The following DST variants were observed in gnomAD, a reference collection of about 807,000 sequenced individuals.
DST encodes the protein bullous pemphigoid antigen.
Under a neutral mutation model 875.2 loss-of-function variants are expected in DST, and 253 were observed. That is an observed-to-expected ratio of 0.29 (90% confidence interval 0.26 to 0.32). The LOEUF is 0.32. DST is among the 10% of genes least tolerant of loss of function. DST has a pLI of 1.00. For synonymous variants in DST, 3,124 were observed against 3,197.1 expected (o/e 0.98, Z 0.77); for missense variants, 8,287 against 9,111.6 (o/e 0.91, Z 3.68).
intron 13 of DST, among the ~76,000 whole-genome samples, 187 bp from the exon 14 acceptor site, chr6:56,646,369 A>G (rs533111212): frequency 1.3e-5 from 2 of 152,304 alleles, no homozygotes; most frequent in East Asian, 3.9e-4. Context: ...CTAAAATTTG[A>G]TGAGGGTGTA....
chr6:56,673,402 G>A (rs1436094034), intron 9 of DST, among the ~76,000 whole-genome samples: 1 of 152,162 alleles, frequency 6.6e-6, no homozygotes, highest in Non-Finnish European at 1.5e-5. Context: ...TATAATGACA[G>A]ATAGAAATGG....
At position 56,954,393 on chromosome 6, in the gene DST, G is replaced by C; in HGVS notation, c.181+14C>G. On this transcript the variant is annotated intron_variant, in intron 1 of 103. Coordinates refer to ENST00000680361, the MANE Select transcript of DST (RefSeq NM_001374736.1). ...TCCTGGTAGCCCGCAGAAACCCGTC[G>C]CGGCGTGTCTTACCTCGGCTTCTTG... The C allele has an allele frequency of 2.2e-6, 3 of 1,363,016 alleles. No homozygotes were observed. Among genetic ancestry groups the C allele is most frequent in the South Asian group, 2.3e-5 (2 of 87,142 alleles). 84.4% of individuals were successfully genotyped at this position (1,363,016 alleles called of 1,614,324 possible).
At chr6:56,531,464 CAG>C (rs1464053676) in intron 64 of DST, among the ~76,000 whole-genome samples, 3 of 152,144 alleles carry the variant, frequency 2.0e-5, no homozygotes, top group Non-Finnish European at 2.9e-5. Context: ...TGACACATAT[CAG>C]AGGACAACAT....
chr6:56,786,223 C>G (rs2099705229), intron 4 of DST, among the ~76,000 whole-genome samples: 1 of 152,186 alleles, frequency 6.6e-6, no homozygotes, highest in African/African-American at 2.4e-5. Context: ...TCCCCCATCT[C>G]CAAGTCTTGA....
chr6:56,473,001 T>C (rs2094971400), intron 93 of DST, among the ~76,000 whole-genome samples: 1 of 152,228 alleles, frequency 6.6e-6, no homozygotes, highest in Non-Finnish European at 1.5e-5. Context: ...AACAAATACT[T>C]GAGCATTTAA....
In DST at chr6:56,631,333, C is replaced by T. The variant is rs137982571; in HGVS notation, c.4020G>A (p.Lys1340=). The T allele has an allele frequency of 5.6e-6, 9 of 1,613,916 alleles. No individual in the cohort carries two copies. Among genetic ancestry groups the T allele is most frequent in the African/African-American group, 5.3e-5 (4 of 74,898 alleles). Residue 1340 remains lysine, a synonymous_variant, in exon 30 of 104, where the codon AAG becomes AAA. Transcript: ENST00000680361. ...LKDDLGTITN[K]CEEFFSQAAA... The stretch of plus-strand genomic sequence containing the variant: ...CTGCTTGACTGAAAAACTCCTCACA[C>T]TTATTTGTGATTGTTCCCAAATCAT...
intron 86 of DST, among the ~76,000 whole-genome samples, chr6:56,488,233 T>C (rs1001424439): frequency 4.6e-5 from 7 of 152,220 alleles, no homozygotes; most frequent in South Asian, 4.1e-4. Flanking sequence ...AAAAATGTTA[T>C]GGTTGAATAC....
At position 56,606,735 on chromosome 6, in the gene DST, A is replaced by T; in HGVS notation, c.7893T>A (p.Asp2631Glu). ...DDHDSLLLDG[D>E]DRDCLHPEDY... ...CCTCAGGGTGCAGGCAATCACGATC[A>T]TCACCATCAAGAAGCAAAGAATCAT... The change falls in exon 40 of 104, where the codon GAT (aspartate) becomes GAA (glutamate). Residue 2631 changes from aspartate (D) to glutamate (E), a missense_variant. Asp to Glu is a conservative substitution (Grantham distance 45). Coordinates refer to ENST00000680361, the MANE Select transcript of DST (RefSeq NM_001374736.1). 1 of 1,613,488 alleles carries T rather than the reference A, an allele frequency of 6.2e-7. No individual in the cohort carries two copies. The highest frequency in any genetic ancestry group is 8.5e-7 in the Non-Finnish European group (1 of 1,179,606).
At position 56,603,221 on chromosome 6, in the gene DST, G is replaced by A. The variant is rs375863662; in HGVS notation, c.11141C>T (p.Ala3714Val). Reference sequence around the variant, plus strand: ...TATGCCTACCATTTCAGAGTCGATCGCAAGCATGATCTGTTTCGTTCTTTC... The same window carrying A: ...TATGCCTACCATTTCAGAGTCGATCACAAGCATGATCTGTTTCGTTCTTTC... ...SSERTKQIMLAIDSEMSKLAV... is the reference protein window; with the variant it reads ...SSERTKQIMLVIDSEMSKLAV... The change falls in exon 42 of 104, where the codon GCG (alanine) becomes GTG (valine). Residue 3714 changes from alanine to valine, a missense_variant. Ala to Val is a moderately conservative substitution (Grantham distance 64, BLOSUM62 0). Coordinates refer to ENST00000680361, the MANE Select transcript of DST (RefSeq NM_001374736.1). The A allele has an allele frequency of 4.3e-5, 69 of 1,602,044 alleles. No individual in the cohort carries two copies. The African/African-American group carries it at 5.6e-4, about 13-fold the overall frequency.
chr6:56,484,229 T>C (rs1235168003), intron 88 of DST: 1 of 152,192 alleles, frequency 6.6e-6, no homozygotes, highest in Non-Finnish European at 1.5e-5. Flanking sequence ...ATAGAGAAGT[T>C]TGTATTAACC....
intron 4 of DST, among the ~76,000 whole-genome samples, chr6:56,788,169 AC>A: frequency 6.7e-6 from 1 of 149,836 alleles, no homozygotes; most frequent in African/African-American, 2.5e-5. Context: ...GACTCTGAAA[AC>A]ATTTAATTAT....
In DST at chr6:56,458,830, T is replaced by C. The variant is rs2094180815; in HGVS notation, c.*175A>G. 1 of 688,726 alleles carries C rather than the reference T, an allele frequency of 1.5e-6. No homozygotes were observed. Among genetic ancestry groups the C allele is most frequent in the South Asian group, 3.2e-5 (1 of 30,944 alleles). The allele number at this position is 688,726 out of a possible 1,614,324, so 42.7% of individuals were successfully genotyped here. On this transcript the variant is annotated 3_prime_UTR_variant, in exon 104 of 104. Coordinates refer to ENST00000680361, the MANE Select transcript of DST (RefSeq NM_001374736.1). The stretch of plus-strand genomic sequence containing the variant: ...ATGATGTGACTTTAACCCCAGAATA[T>C]CTGACAAAAAAAATTATACAGATAA...
intron 8 of DST, among the ~76,000 whole-genome samples, chr6:56,701,091 C>T (rs1441992142): frequency 3.3e-5 from 5 of 150,902 alleles, no homozygotes; most frequent in Admixed American, 6.6e-5. Context: ...GTGACCCTCC[C>T]GCCTCAGCCT....
chr6:56,598,709 C>A lies in DST; in HGVS notation c.11695G>T (p.Glu3899Ter). Residue 3899 changes from glutamate (E) to a stop codon, truncating the protein, a stop_gained and splice_region_variant, in exon 46 of 104, where the codon GAA becomes TAA. Coordinates refer to ENST00000680361, the MANE Select transcript of DST (RefSeq NM_001374736.1). LOFTEE classifies it high-confidence loss of function. ...CTTCCTTGCATATCTTTCTGTAATT[C>A]CTTATAACACAAAAGGAAAAAATAT... ...ELKKYQSKQEELQKDMQGSAQ... is the reference protein window; with the variant it reads ...ELKKYQSKQE 1 of 1,533,162 alleles carries A rather than the reference C, an allele frequency of 6.5e-7. No individual in the cohort carries two copies. The highest frequency in any genetic ancestry group is 8.8e-7 in the Non-Finnish European group (1 of 1,137,800). 95.0% of individuals were successfully genotyped at this position (1,533,162 alleles called of 1,614,324 possible).
intron 36 of DST, chr6:56,618,085 C>G (rs2098646465): frequency 6.2e-7 from 1 of 1,614,000 alleles, no homozygotes; most frequent in African/African-American, 1.3e-5. Context: ...CTCTTATCTT[C>G]TCAATTTCAG....
intron 61 of DST, 27 bp from the exon 62 acceptor site, chr6:56,536,967 T>G: frequency 6.2e-7 from 1 of 1,602,566 alleles, no homozygotes; most frequent in South Asian, 1.1e-5. Context: ...AATAATTATA[T>G]GAGTTATATT....
chr6:56,720,411 TGGCAGG>T (rs2152908306), intron 5 of DST, among the ~76,000 whole-genome samples: 1 of 151,912 alleles, frequency 6.6e-6, no homozygotes, highest in Non-Finnish European at 1.5e-5. Context: ...GAGAGGGATT[TGGCAGG>T]GTCATAGGAC....
At chr6:56,557,195 T>C in intron 59 of DST, 124 bp downstream of exon 59, 2 of 834,566 alleles carry the variant, frequency 2.4e-6, no homozygotes, top group South Asian at 1.7e-5. Context: ...AAACATTACA[T>C]ATATACTTCA....
chr6:56,588,364 T>A (rs763545798), intron 49 of DST, among the ~76,000 whole-genome samples: 1 of 152,232 alleles, frequency 6.6e-6, no homozygotes, highest in African/African-American at 2.4e-5. Flanking sequence ...CCCGCCATCC[T>A]GAACTTGGCT....
Sources: allele counts gnomAD v4.1 joint callset (sites outside exome capture counted in the v4.1 genomes callset), GRCh38; gene constraint gnomAD v4.1.1; transcripts MANE v1.5; gene names NCBI Gene and HGNC (gene_info 2026-07-23, HGNC 2026-07-21).